The following CLK1 variants were observed in gnomAD, a reference collection of about 807,000 sequenced individuals.
CLK1 encodes dual specificity protein kinase CLK1.
A neutral mutation model predicts 60.9 loss-of-function variants in CLK1; 40 were observed. The observed-to-expected ratio is 0.66, with a 90% confidence interval of 0.51 to 0.86. The LOEUF (loss-of-function observed/expected upper bound fraction) is 0.86, where lower values mean the gene tolerates loss of function less well. CLK1 is among the 40% of genes least tolerant of loss of function. The probability of loss-of-function intolerance (pLI) is 0.00; values close to 1 mark genes in which losing one functional copy is unlikely to be tolerated. For synonymous variants in CLK1, 203 were observed against 184.4 expected, an observed-to-expected ratio of 1.10 and a Z score of -0.82; for missense variants, 563 against 606.1, an observed-to-expected ratio of 0.93 and a Z score of 0.75.
chr2:200,854,011 T>C lies in CLK1; in HGVS notation c.1221-18A>G, dbSNP rs769679736. The C allele has an allele frequency of 2.6e-6, 4 of 1,560,266 alleles. No individual in the cohort carries two copies. Among genetic ancestry groups the C allele is most frequent in the Non-Finnish European group, 3.5e-6 (4 of 1,134,418 alleles). On this transcript the variant is annotated intron_variant, in intron 11 of 12. Transcript: ENST00000321356. ...TACGTTTCCTAAAAATAAGTCAATA[T>C]CCATTCATGTTTATAACACTGAAAA...
rs1368773755 is a variant in CLK1, at chr2:200,861,277, G to C, written c.351C>G (p.His117Gln). 1.9e-6 allele frequency: 3 copies of C among 1,614,038 alleles called. No homozygotes were observed. The highest frequency in any genetic ancestry group is 2.5e-6 in the Non-Finnish European group (3 of 1,180,016). ...GATGTGAAGTACTGTGGTGAATCCT[G>C]TGTTTGCTTTTATAACTACTTCTTC... ...RSGRSSYKSK[H>Q]RIHHSTSHRR... Residue 117 changes from histidine to glutamine, a missense_variant, in exon 3 of 13, where the codon CAC becomes CAG. Coordinates refer to ENST00000321356, the MANE Select transcript of CLK1 (RefSeq NM_004071.4).
At chr2:200,856,600 C>A in intron 9 of CLK1, 82 bp downstream of exon 9, 19 of 1,171,682 alleles carry the variant, frequency 1.6e-5, no homozygotes, top group Non-Finnish European at 2.3e-5. Flanking sequence ...TAAAGCCCCA[C>A]AAGTAAGACC....
At chr2:200,856,323 G>GCCTCCCA (rs1322191173) in intron 9 of CLK1, among the ~76,000 whole-genome samples, 1 of 151,976 alleles carries the variant, frequency 6.6e-6, no homozygotes, top group Non-Finnish European at 1.5e-5. Context: ...GCCCGCCTTG[G>GCCTCCCA]CCTCCCAAAG....
chr2:200,857,896 T>A lies in CLK1; in HGVS notation c.666-12A>T, dbSNP rs769571350. On this transcript the variant is annotated splice_polypyrimidine_tract_variant and intron_variant, in intron 6 of 12. Coordinates refer to ENST00000321356, the MANE Select transcript of CLK1 (RefSeq NM_004071.4). The stretch of plus-strand genomic sequence containing the variant: ...TCTGGACACAGCGGCTACAAACACA[T>A]GAAAAATAGCTAAGTATAGTTGCTC... 1 of 1,611,792 alleles carries A rather than the reference T, an allele frequency of 6.2e-7. No homozygotes were observed. The highest frequency in any genetic ancestry group is 1.3e-5 in the African/African-American group (1 of 74,794).
chr2:200,854,164 A>G, intron 11 of CLK1, 171 bp from the exon 12 acceptor site: 1 of 501,622 alleles, frequency 2.0e-6, no homozygotes, highest in Admixed American at 3.9e-5. Context: ...TTTAACTGAA[A>G]AAATATTAGT....
intron 9 of CLK1, among the ~76,000 whole-genome samples, chr2:200,856,145 T>C (rs1281924518): frequency 6.6e-6 from 1 of 150,744 alleles, no homozygotes; most frequent in Non-Finnish European, 1.5e-5. Context: ...CAATCTTGGC[T>C]CACTGCAACC....
intron 1 of CLK1, chr2:200,864,181 G>A: frequency 5.2e-6 from 8 of 1,550,820 alleles, no homozygotes; most frequent in Non-Finnish European, 7.0e-6. Context: ...GGGGAGCCTC[G>A]CCTTTCCGGC....
Position 200,858,027 on chromosome 2 carries a change from C to T in CLK1, c.611G>A (p.Arg204His), listed in dbSNP as rs954072057. 12 of 1,613,908 alleles carry T rather than the reference C, an allele frequency of 7.4e-6. No homozygotes were observed. The highest frequency in any genetic ancestry group is 6.7e-5 in the East Asian group (3 of 44,886). ...ATGTTCCAGAACTTGTATTTCTGAG[C>T]GAGCAGCTTCACAGTATCTATCCAC... ...KNVDRYCEAARSEIQVLEHLN... is the reference protein window; with the variant it reads ...KNVDRYCEAAHSEIQVLEHLN... The change falls in exon 6 of 13, where the codon CGC (arginine) becomes CAC (histidine). Residue 204 changes from arginine to histidine, a missense_variant. By Grantham distance (29) the Arg-to-His change is conservative. Coordinates refer to ENST00000321356, the MANE Select transcript of CLK1 (RefSeq NM_004071.4).
chr2:200,853,288 A>T lies in CLK1; in HGVS notation c.*18T>A. The stretch of plus-strand genomic sequence containing the variant: ...ACAGTCTGTAAGATCTCTTCGAGAG[A>T]GCTGTCCAATTACAGATCTATATAC... On this transcript the variant is annotated 3_prime_UTR_variant, in exon 13 of 13. Coordinates refer to ENST00000321356, the MANE Select transcript of CLK1 (RefSeq NM_004071.4). The T allele has an allele frequency of 6.3e-7, 1 of 1,584,922 alleles. No individual in the cohort carries two copies. The highest frequency in any genetic ancestry group is 8.6e-7 in the Non-Finnish European group (1 of 1,166,142).
chr2:200,854,480 G>A, intron 11 of CLK1, 136 bp downstream of exon 11: 1 of 577,034 alleles, frequency 1.7e-6, no homozygotes, highest in East Asian at 3.0e-5. Flanking sequence ...AGCTTGCATT[G>A]AGCCGAGGTC....
intron 1 of CLK1, among the ~76,000 whole-genome samples, chr2:200,863,414 C>T (rs1232695065): frequency 6.6e-6 from 1 of 151,936 alleles, no homozygotes; most frequent in African/African-American, 2.4e-5. Context: ...AAAAATTAAC[C>T]AGGAGTGGTG....
chr2:200,856,410 C>T (rs193075272), intron 9 of CLK1, among the ~76,000 whole-genome samples: 3 of 152,102 alleles, frequency 2.0e-5, no homozygotes, highest in Admixed American at 2.0e-4. Flanking sequence ...TGTGAGCCAC[C>T]GCGCCCCACC....
intron 5 of CLK1, among the ~76,000 whole-genome samples, chr2:200,858,698 G>C (rs1386105408): frequency 6.6e-6 from 1 of 151,090 alleles, no homozygotes; most frequent in Non-Finnish European, 1.5e-5. Context: ...CTCCATCTCA[G>C]GGAAAAGAAA....
At chr2:200,862,066 T>A (rs1187484020) in intron 1 of CLK1, among the ~76,000 whole-genome samples, 1 of 151,642 alleles carries the variant, frequency 6.6e-6, no homozygotes, top group Non-Finnish European at 1.5e-5. Flanking sequence ...GCACTCTGCA[T>A]TAGCCATATC....
In CLK1 at chr2:200,864,272, C is replaced by G. The variant is rs553358454; in HGVS notation, c.-1+292G>C. ...GTTCACAACATGGCGCCCGCCCGAC[C>G]GTCCCGCGTCAGGCGGCGCCGCTTC... is the stretch of plus-strand genomic sequence containing the variant. On this transcript the variant is annotated intron_variant, in intron 1 of 12. Transcript: ENST00000321356. 5.6e-4 allele frequency: 835 copies of G among 1,494,514 alleles called. 9 individuals are homozygous for G. The African/African-American group carries it at 0.011, about 19-fold the overall frequency. The allele number at this position is 1,494,514 out of a possible 1,614,324, so 92.6% of individuals were successfully genotyped here.
chr2:200,855,355 C>T (rs1047437917), intron 9 of CLK1, among the ~76,000 whole-genome samples: 9 of 151,514 alleles, frequency 5.9e-5, no homozygotes, highest in South Asian at 2.1e-4. Context: ...CAGTGGCTCA[C>T]GCTACAGGCA....
intron 1 of CLK1, chr2:200,864,267 C>A: frequency 6.7e-7 from 1 of 1,502,304 alleles, no homozygotes. Flanking sequence ...TGGCGCCCGC[C>A]CGACCGTCCC....
chr2:200,860,025 AAAAGAG>A (rs1200556561), intron 4 of CLK1, 94 bp downstream of exon 4: 2 of 1,506,744 alleles, frequency 1.3e-6, no homozygotes, highest in East Asian at 4.7e-5. Context: ...ACAAAAACAA[AAAAGAG>A]AAAGAAAAAA....
Position 200,861,300 on chromosome 2 carries a change from T to C in CLK1, c.328A>G (p.Arg110Gly), listed in dbSNP as rs145377253. The C allele has an allele frequency of 7.4e-6, 12 of 1,614,062 alleles. No individual in the cohort carries two copies. In the African/African-American group the frequency reaches 9.3e-5, roughly 13 times the overall value. The change falls in exon 3 of 13, where the codon AGA becomes GGA. Residue 110 changes from arginine (R) to glycine (G), a missense_variant. This residue lies in a region of CLK1 where 198 missense variants were observed against 179.2 expected (regional missense o/e 1.10). Coordinates refer to ENST00000321356, the MANE Select transcript of CLK1 (RefSeq NM_004071.4). Reference protein sequence around the residue: ...HSSKSSGRSGRSSYKSKHRIH... With the variant: ...HSSKSSGRSGGSSYKSKHRIH... The stretch of plus-strand genomic sequence containing the variant: ...CTGTGTTTGCTTTTATAACTACTTC[T>C]TCCACTTCTACCAGAAGACTTGCTA...
Sources: gnomAD v4.1 joint callset for allele counts (sites outside exome capture counted in the v4.1 genomes callset) on GRCh38, gnomAD v4.1.1 for gene constraint, gnomAD v4.1.1 regional missense constraint, MANE v1.5 for transcripts, NCBI Gene and HGNC (gene_info 2026-07-23, HGNC 2026-07-21) for gene names.